Variants in HADHA observed in about 807,000 individuals in gnomAD.
HADHA encodes the protein hydroxyacyl-CoA dehydrogenase trifunctional multienzyme complex subunit alpha.
A neutral mutation model predicts 91.3 loss-of-function variants in HADHA; 59 were observed. The observed-to-expected ratio is 0.65, with a 90% CI of 0.52 to 0.80. The LOEUF is 0.80. Among genes scored for constraint, HADHA ranks in the 30% least tolerant of loss-of-function variants. The probability of loss-of-function intolerance (pLI) is 0.00; values close to 1 mark genes in which losing one functional copy is unlikely to be tolerated. For synonymous variants in HADHA, 320 were observed against 338.9 expected (o/e 0.94, Z 0.61); for missense variants, 800 against 927.6 (o/e 0.86, Z 1.79).
intron 3 of HADHA, among the ~76,000 whole-genome samples, 189 bp downstream of exon 3, chr2:26,238,745 G>C (rs1225586690): frequency 6.6e-6 from 1 of 152,206 alleles, no homozygotes; most frequent in Admixed American, 6.5e-5. Context: ...TCTTACGCAA[G>C]AACCTCTGCT....
At chr2:26,236,418 G>GTATATA (rs200007418) in intron 4 of HADHA, among the ~76,000 whole-genome samples, 37 of 119,782 alleles carry the variant, frequency 3.1e-4, no homozygotes, top group Non-Finnish European at 5.0e-4. Flanking sequence ...GTGTGTGTGT[G>GTATATA]TGTATATACT....
chr2:26,204,466 A>G (rs950276665), intron 11 of HADHA, among the ~76,000 whole-genome samples: 16 of 152,366 alleles, frequency 1.1e-4, no homozygotes, highest in African/African-American at 3.8e-4. Context: ...ACTGAAATCA[A>G]AACAACCAGT....
intron 3 of HADHA, among the ~76,000 whole-genome samples, chr2:26,237,759 T>C (rs563081549): frequency 8.7e-4 from 133 of 152,368 alleles, no homozygotes; most frequent in African/African-American, 3.0e-3. Flanking sequence ...TGAATGTTTA[T>C]TATTTTCTTC....
chr2:26,237,110 A>G, intron 3 of HADHA, 122 bp from the exon 4 acceptor site: 8 of 806,610 alleles, frequency 9.9e-6, no homozygotes, highest in South Asian at 2.7e-5. Flanking sequence ...TACTGTTAGA[A>G]GAGAGTAAGA....
At chr2:26,234,573 C>T (rs192617091) in intron 4 of HADHA, among the ~76,000 whole-genome samples, 99 of 152,044 alleles carry the variant, frequency 6.5e-4, no homozygotes, top group African/African-American at 2.1e-3. Context: ...GAGACCATCC[C>T]GGCTAACACG....
intron 13 of HADHA, among the ~76,000 whole-genome samples, chr2:26,198,586 C>A (rs2147757047): frequency 6.6e-6 from 1 of 151,224 alleles, no homozygotes; most frequent in East Asian, 1.9e-4. Flanking sequence ...AGGAGGAAGA[C>A]ACATTCAACA....
chr2:26,201,274 C>T lies in HADHA; in HGVS notation c.1267G>A (p.Asp423Asn). Residue 423 changes from aspartate to asparagine, a missense_variant, in exon 13 of 20, where the codon GAT (aspartate) becomes AAT (asparagine). Physicochemically the swap from Asp to Asn is conservative, Grantham distance 23. Transcript: ENST00000380649. ...CCAGTCAAGTTGCTGAAGATGGAATCCCTTTCAAATGATGTTAGAGCTTTC... is the reference window on the plus strand; with the variant it reads ...CCAGTCAAGTTGCTGAAGATGGAATTCCTTTCAAATGATGTTAGAGCTTTC... ...KKKALTSFER[D>N]SIFSNLTGQL... 1 of 1,611,946 alleles carries T rather than the reference C, an allele frequency of 6.2e-7. No homozygotes were observed. Among genetic ancestry groups the T allele is most frequent in the South Asian group, 1.1e-5 (1 of 91,020 alleles).
Position 26,201,092 on chromosome 2 carries a change from AT to A in HADHA, c.1392+56del, listed in dbSNP as rs1020936574. 22 of 1,337,108 alleles carry A rather than the reference AT, an allele frequency of 1.6e-5. No homozygotes were observed. The East Asian group carries it at 2.3e-4, about 14-fold the overall frequency. The allele number at this position is 1,337,108 out of a possible 1,614,324, so 82.8% of individuals were successfully genotyped here. On this transcript the variant is annotated intron_variant, in intron 13 of 19. Transcript: ENST00000380649. ...TTCCTATAGCTCCTTTAAAAAAAAA[AT>A]CTCTGTGTTTTCTGTTCACTACACT...
chr2:26,214,716 T>G lies in HADHA; in HGVS notation c.800-155A>C. The G allele has an allele frequency of 1.5e-6, 1 of 653,964 alleles. No homozygotes were observed. The allele number at this position is 653,964 out of a possible 1,614,324, so 40.5% of individuals were successfully genotyped here. On this transcript the variant is annotated intron_variant, in intron 8 of 19. Coordinates refer to ENST00000380649, the MANE Select transcript of HADHA (RefSeq NM_000182.5). This position sits in a 1 kb window ranked among gnomAD's most constrained non-coding sequence, Gnocchi z 4.1. ...ACAATATAAATTTCAACCTAAGCAC[T>G]ACCTTAAACATGCTAAGTGATGAAT...
intron 10 of HADHA, chr2:26,212,296 A>G (rs1670119938): frequency 6.9e-6 from 3 of 436,778 alleles, no homozygotes; most frequent in South Asian, 6.4e-5. Context: ...CATGTTGCAC[A>G]TGCTGGTCTT....
At chr2:26,220,286 T>C (rs747032154) in intron 7 of HADHA, among the ~76,000 whole-genome samples, 4 of 152,180 alleles carry the variant, frequency 2.6e-5, no homozygotes, top group Admixed American at 6.5e-5. Context: ...GGAGCAGACA[T>C]ACTCAGCAAT....
chr2:26,230,508 T>C (rs181570861), intron 6 of HADHA, among the ~76,000 whole-genome samples: 80 of 152,314 alleles, frequency 5.3e-4, no homozygotes, highest in African/African-American at 1.8e-3. Flanking sequence ...AGCAAAAATG[T>C]CTTTATCTCT....
At chr2:26,224,539 G>A (rs1456758555) in intron 7 of HADHA, among the ~76,000 whole-genome samples, 1 of 152,072 alleles carries the variant, frequency 6.6e-6, no homozygotes, top group Non-Finnish European at 1.5e-5. Context: ...ATCCATAATG[G>A]TTAACTTTAT....
rs1310455267 is a variant in HADHA at position 26,232,225 on chromosome 2, C to T, written c.508G>A (p.Gly170Ser). Residue 170 changes from glycine to serine, a missense_variant, in exon 6 of 20, where the codon GGT becomes AGT. Transcript: ENST00000380649. ...GCCCCCAGCAAAACTTCAGGGGTAC[C>T]TAATACTGTTTTTCTGTCTTTTGTT... ...IATKDRKTVL[G>S]TPEVLLGALP... 1 of 1,604,062 alleles carries T rather than the reference C, an allele frequency of 6.2e-7. No homozygotes were observed. The highest frequency in any genetic ancestry group is 8.5e-7 in the Non-Finnish European group (1 of 1,171,002).
intron 7 of HADHA, among the ~76,000 whole-genome samples, chr2:26,218,917 G>T (rs990707948): frequency 1.4e-5 from 2 of 139,974 alleles, no homozygotes. Flanking sequence ...TGAGGCAAGA[G>T]AATTGATTGA....
At chr2:26,207,115 T>C (rs1669988956) in intron 11 of HADHA, among the ~76,000 whole-genome samples, 1 of 152,110 alleles carries the variant, frequency 6.6e-6, no homozygotes, top group African/African-American at 2.4e-5. Context: ...GGAAGACTGC[T>C]TGAGCCCAGG....
intron 7 of HADHA, among the ~76,000 whole-genome samples, chr2:26,218,543 T>C (rs1440261800): frequency 6.6e-6 from 1 of 152,176 alleles, no homozygotes; most frequent in South Asian, 2.1e-4. Context: ...AAAAGATCTT[T>C]TCTAATTTTT....
In HADHA at chr2:26,198,246, G is replaced by A. The variant is rs140954632; in HGVS notation, c.1393-469C>T. Among the ~76,000 whole-genome samples, 33 of 152,160 alleles carry A rather than the reference G, an allele frequency of 2.2e-4. No homozygotes were observed. In the East Asian group the frequency reaches 5.0e-3, roughly 23 times the overall value. On this transcript the variant is annotated intron_variant, in intron 13 of 19. Coordinates refer to ENST00000380649, the MANE Select transcript of HADHA (RefSeq NM_000182.5). ...TTTATACAGTGTGTTACTAAAAAAC[G>A]GCATACCACTATAGTTGCAGCTACA...
chr2:26,197,877 G>C, intron 13 of HADHA, 100 bp from the exon 14 acceptor site: 1 of 756,832 alleles, frequency 1.3e-6, no homozygotes, highest in Non-Finnish European at 2.5e-6. Flanking sequence ...AGCCCACTCT[G>C]TCCCCCACAA....
Sources: allele counts gnomAD v4.1 joint callset (sites outside exome capture counted in the v4.1 genomes callset), GRCh38; gene constraint gnomAD v4.1.1; non-coding constraint Gnocchi (gnomAD v3.1); transcripts MANE v1.5; gene names NCBI Gene and HGNC (gene_info 2026-07-23, HGNC 2026-07-21).